The following HIP1 variants were observed in gnomAD, a reference collection of about 807,000 sequenced individuals.
HIP1 encodes huntingtin-interacting protein 1.
Under a neutral mutation model 147.6 loss-of-function variants are expected in HIP1, and 65 were observed. The ratio of observed to expected loss-of-function variants is 0.44; its 90% CI spans 0.36 to 0.54. HIP1 has a LOEUF of 0.54. Ranked by LOEUF, HIP1 falls within the 20% of genes least tolerant of loss-of-function variation. The pLI is 0.00. For missense variants in HIP1, 1,061 were observed against 1,299.6 expected, an observed-to-expected ratio of 0.82 and a Z score of 2.82; for synonymous variants, 479 against 504.0, an observed-to-expected ratio of 0.95 and a Z score of 0.67.
rs587728162 is a variant in HIP1 at position 75,595,602 on chromosome 7, C to T, written c.185-3088G>A. ...CAAGAGATCCACCCACCTTGGCCTC[C>T]CAAAGTTCTGGGATTACAGGTGTGA... On this transcript the variant is annotated intron_variant, in intron 2 of 30. Transcript: ENST00000336926. Among the ~76,000 whole-genome samples the T allele has an allele frequency of 9.9e-5, 15 of 152,088 alleles. No individual in the cohort carries two copies. In the East Asian group the frequency reaches 2.9e-3, roughly 29 times the overall value.
intron 25 of HIP1, among the ~76,000 whole-genome samples, chr7:75,546,626 T>C (rs1167798): frequency 0.13 from 19,306 of 152,274 alleles, 1,490 homozygotes; most frequent in Non-Finnish European, 0.17. Flanking sequence ...ATTCAGGATC[T>C]GCTTCTTTTG....
chr7:75,689,049 G>A (rs1037150965), intron 1 of HIP1, among the ~76,000 whole-genome samples: 2 of 152,070 alleles, frequency 1.3e-5, no homozygotes, highest in African/African-American at 2.4e-5. Context: ...GGTGGGCCTC[G>A]ATTTCTGCCT....
intron 1 of HIP1, among the ~76,000 whole-genome samples, chr7:75,670,240 T>C (rs2117243040): frequency 1.3e-5 from 2 of 152,238 alleles, no homozygotes; most frequent in Middle Eastern, 6.8e-3. Flanking sequence ...AGCTCCAAAC[T>C]CCTGGGCTCA....
intron 30 of HIP1, among the ~76,000 whole-genome samples, chr7:75,538,473 C>T (rs2090776056): frequency 6.6e-6 from 1 of 151,266 alleles, no homozygotes; most frequent in African/African-American, 2.4e-5. Context: ...GACATGCAGA[C>T]AACAACATAT....
intron 27 of HIP1, among the ~76,000 whole-genome samples, chr7:75,543,693 G>A (rs1554490376): frequency 6.6e-6 from 1 of 152,204 alleles, no homozygotes; most frequent in East Asian, 1.9e-4. Context: ...GCCAAGCCAG[G>A]TAACCTGTTC....
At chr7:75,637,990 CCCCACACACACACAT>C (rs1215015468) in intron 1 of HIP1, among the ~76,000 whole-genome samples, 2 of 43,548 alleles carry the variant, frequency 4.6e-5, no homozygotes, top group African/African-American at 1.7e-4. Context: ...CCCCCCCCCC[CCCCACACACACACAT>C]ACACACACAC....
intron 1 of HIP1, among the ~76,000 whole-genome samples, chr7:75,651,460 C>CAAAAAAAAAAAAAAAAAA: frequency 2.3e-5 from 1 of 44,102 alleles, no homozygotes; most frequent in South Asian, 1.1e-3. Context: ...CTCCATATCT[C>CAAAAAAAAAAAAAAAAAA]AAAAAAAAAA....
chr7:75,667,303 T>G (rs1799591811), intron 1 of HIP1, among the ~76,000 whole-genome samples: 1 of 152,124 alleles, frequency 6.6e-6, no homozygotes, highest in African/African-American at 2.4e-5. Context: ...GAACATGAGA[T>G]TTAGAAGACC....
At chr7:75,735,928 C>A (rs572793620) in intron 1 of HIP1, among the ~76,000 whole-genome samples, 1 of 151,994 alleles carries the variant, frequency 6.6e-6, no homozygotes, top group African/African-American at 2.4e-5. Context: ...TCTCCTACAC[C>A]CCTAAAGAGT....
chr7:75,567,137 C>A (rs1175889482), intron 9 of HIP1, among the ~76,000 whole-genome samples: 1 of 148,760 alleles, frequency 6.7e-6, no homozygotes, highest in Non-Finnish European at 1.5e-5. Context: ...AACAAACAAA[C>A]AAAAACAGAA....
At chr7:75,695,885 C>G (rs1368215872) in intron 1 of HIP1, among the ~76,000 whole-genome samples, 1 of 149,642 alleles carries the variant, frequency 6.7e-6, no homozygotes, top group African/African-American at 2.5e-5. Context: ...GGTACTGGTT[C>G]TTAGACATCC....
chr7:75,624,503 C>T (rs1452637993), intron 1 of HIP1, among the ~76,000 whole-genome samples: 1 of 152,048 alleles, frequency 6.6e-6, no homozygotes, highest in East Asian at 1.9e-4. Context: ...TCCAACAGGC[C>T]CCAGGCAGGG....
chr7:75,682,763 T>C (rs144632342), intron 1 of HIP1, among the ~76,000 whole-genome samples: 28 of 152,248 alleles, frequency 1.8e-4, no homozygotes, highest in African/African-American at 6.3e-4. Context: ...ACACACCTGC[T>C]ACAAAACTCA....
At chr7:75,645,703 C>T (rs1798779271) in intron 1 of HIP1, among the ~76,000 whole-genome samples, 1 of 152,132 alleles carries the variant, frequency 6.6e-6, no homozygotes, top group Non-Finnish European at 1.5e-5. Context: ...TGCCCATCAA[C>T]AGTGGGTTAG....
At chr7:75,683,671 C>T (rs1800167542) in intron 1 of HIP1, among the ~76,000 whole-genome samples, 1 of 152,188 alleles carries the variant, frequency 6.6e-6, no homozygotes, top group Non-Finnish European at 1.5e-5. Context: ...TGCTGGAGGT[C>T]ACTGACATCT....
chr7:75,674,105 CAT>C (rs1290377580), intron 1 of HIP1, among the ~76,000 whole-genome samples: 4 of 152,192 alleles, frequency 2.6e-5, no homozygotes, highest in African/African-American at 9.6e-5. Context: ...GTTTTCTATA[CAT>C]ATGAGATAAT....
At chr7:75,725,608 C>T (rs1015859445) in intron 1 of HIP1, among the ~76,000 whole-genome samples, 4 of 152,062 alleles carry the variant, frequency 2.6e-5, no homozygotes, top group Non-Finnish European at 5.9e-5. Context: ...TTGTGTCTGC[C>T]TTTTTCTTCA....
intron 1 of HIP1, among the ~76,000 whole-genome samples, chr7:75,664,622 GCAGACGGA>G (rs1799501227): frequency 6.8e-6 from 1 of 147,052 alleles, no homozygotes; most frequent in Non-Finnish European, 1.5e-5. Flanking sequence ...AGAGAGACAG[GCAGACGGA>G]CAGACAAAGT....
At chr7:75,713,436 A>G (rs1042597808) in intron 1 of HIP1, among the ~76,000 whole-genome samples, 3 of 152,132 alleles carry the variant, frequency 2.0e-5, no homozygotes, top group African/African-American at 7.2e-5. Context: ...CAGACAGCAA[A>G]ATTTCTGCAA....
Sources: allele counts gnomAD v4.1 joint callset (sites outside exome capture counted in the v4.1 genomes callset), GRCh38; gene constraint gnomAD v4.1.1; transcripts MANE v1.5; gene names NCBI Gene and HGNC (gene_info 2026-07-23, HGNC 2026-07-21).